Variants in RHBDD1 observed in about 807,000 individuals in gnomAD.
RHBDD1 encodes the protein rhomboid-related protein 4.
RHBDD1 carries 38 observed loss-of-function variants against 36.3 expected under a neutral mutation model. The ratio of observed to expected loss-of-function variants is 1.05; its 90% CI spans 0.81 to 1.37. The LOEUF is 1.37. Among genes scored for constraint, RHBDD1 ranks in the 40% most tolerant of loss-of-function variants. The probability of loss-of-function intolerance (pLI) is 0.00; values close to 1 mark genes in which losing one functional copy is unlikely to be tolerated. For synonymous variants in RHBDD1, 151 were observed against 136.5 expected (o/e 1.11, Z -0.74); for missense variants, 393 against 377.6 (o/e 1.04, Z -0.34).
At chr2:226,823,658 C>T in the RHBDD1 span, among the ~76,000 whole-genome samples, 1 of 152,162 alleles carries the variant, frequency 6.6e-6, no homozygotes, top group Non-Finnish European at 1.5e-5. Flanking sequence ...ATACACCTAT[C>T]TTAGTCCAAT....
intron 8 of RHBDD1, among the ~76,000 whole-genome samples, chr2:226,962,994 G>A (rs1411713388): frequency 6.6e-6 from 1 of 152,086 alleles, no homozygotes; most frequent in Non-Finnish European, 1.5e-5. Flanking sequence ...TTGATTCCTT[G>A]TCGAGGTGAG....
intron 3 of RHBDD1, among the ~76,000 whole-genome samples, chr2:226,855,182 A>G (rs1943201662): frequency 6.6e-6 from 1 of 152,226 alleles, no homozygotes; most frequent in South Asian, 2.1e-4. Flanking sequence ...TATGAAGGAA[A>G]AAAGGAAGGA....
chr2:226,979,650 G>A (rs934964902), intron 8 of RHBDD1, among the ~76,000 whole-genome samples: 7 of 152,208 alleles, frequency 4.6e-5, no homozygotes, highest in Non-Finnish European at 7.3e-5. Context: ...TCTACCGTCT[G>A]CCCTGTTCTA....
chr2:226,975,441 G>C (rs1029269743), intron 8 of RHBDD1, among the ~76,000 whole-genome samples: 2 of 152,154 alleles, frequency 1.3e-5, no homozygotes, highest in Non-Finnish European at 2.9e-5. Flanking sequence ...ATGGCCATGG[G>C]GTGAGGGAGG....
At chr2:226,901,707 A>G (rs543459304) in intron 5 of RHBDD1, among the ~76,000 whole-genome samples, 1 of 152,212 alleles carries the variant, frequency 6.6e-6, no homozygotes, top group Non-Finnish European at 1.5e-5. Flanking sequence ...GGCATCCAGC[A>G]GAACGGAGAC....
chr2:226,943,436 A>G (rs367622572), intron 8 of RHBDD1, among the ~76,000 whole-genome samples: 1 of 152,212 alleles, frequency 6.6e-6, no homozygotes, highest in Admixed American at 6.5e-5. Context: ...ATCAAACCAG[A>G]ACAATCCAAA....
chr2:226,908,731 G>T, intron 6 of RHBDD1, 91 bp from the exon 7 acceptor site: 1 of 858,928 alleles, frequency 1.2e-6, no homozygotes, highest in Non-Finnish European at 2.0e-6. Flanking sequence ...AATGACCTTG[G>T]GCTTTGTCCA....
chr2:226,833,628 T>A (rs117369616), upstream of RHBDD1, among the ~76,000 whole-genome samples: 4 of 152,238 alleles, frequency 2.6e-5, no homozygotes, highest in Non-Finnish European at 5.9e-5. Flanking sequence ...ACAATGTGCA[T>A]AGTGCTGCCT....
chr2:226,943,075 A>T (rs1023707033), intron 8 of RHBDD1, among the ~76,000 whole-genome samples: 28 of 152,160 alleles, frequency 1.8e-4, no homozygotes, highest in African/African-American at 6.5e-4. Context: ...TCCATTTATT[A>T]TACAGTCACA....
In RHBDD1 at chr2:226,876,352, GC is replaced by G. The variant is rs544251955; in HGVS notation, c.566+9036del. ...GTGACTGAGAGAATCGAAAAGAGCA[GC>G]CTCACGGGAGAGCAGTTTCCAAGGC... On this transcript the variant is annotated intron_variant, in intron 5 of 8. Coordinates refer to ENST00000392062, the MANE Select transcript of RHBDD1 (RefSeq NM_001167608.3). Among the ~76,000 whole-genome samples the G allele has an allele frequency of 9.3e-4, 142 of 152,336 alleles. 1 individual carries two copies. Among genetic ancestry groups the G allele is most frequent in the African/African-American group, 3.3e-3 (137 of 41,586 alleles).
At chr2:226,805,195 CTGTTT>C in the RHBDD1 span, 1 of 149,936 alleles carries the variant, frequency 6.7e-6, no homozygotes, top group Non-Finnish European at 1.5e-5. Flanking sequence ...GAACCCCCAG[CTGTTT>C]TGTTTGTTTG....
In RHBDD1 at chr2:226,992,187, C is replaced by CTG. The variant is rs956782144; in HGVS notation, c.857-3244_857-3243insTG. 3.7e-4 allele frequency among the ~76,000 whole-genome samples: 56 copies of CTG among 152,206 alleles called. 1 individual carries two copies. The highest frequency in any genetic ancestry group is 7.3e-5 in the Non-Finnish European group (5 of 68,042). ...AATGCAAAGGTGGGGAAGTAGAAGA[C>CTG]AGAGTGTACCTGAGACTGAGTGGAC... is the stretch of plus-strand genomic sequence containing the variant. On this transcript the variant is annotated intron_variant, in intron 8 of 8. Coordinates refer to ENST00000392062, the MANE Select transcript of RHBDD1 (RefSeq NM_001167608.3).
chr2:226,909,593 G>A (rs1482860753), intron 7 of RHBDD1, among the ~76,000 whole-genome samples: 5 of 152,040 alleles, frequency 3.3e-5, no homozygotes, highest in African/African-American at 1.2e-4. Context: ...TAGGAGTTTG[G>A]GGAAAAAATT....
intron 8 of RHBDD1, among the ~76,000 whole-genome samples, chr2:226,917,538 GA>G (rs539840345): frequency 6.6e-6 from 1 of 151,968 alleles, no homozygotes; most frequent in Admixed American, 6.6e-5. Flanking sequence ...TGCTTGGTTT[GA>G]AAAAATCTAG....
the RHBDD1 span, among the ~76,000 whole-genome samples, chr2:226,806,643 A>G: frequency 6.6e-6 from 1 of 152,154 alleles, no homozygotes; most frequent in Non-Finnish European, 1.5e-5. Context: ...GCACACACAC[A>G]CTCAGACTCA....
chr2:226,852,514 T>A (rs1174755606), intron 3 of RHBDD1, among the ~76,000 whole-genome samples: 2 of 152,030 alleles, frequency 1.3e-5, no homozygotes, highest in Non-Finnish European at 2.9e-5. Flanking sequence ...CTTTCTACCA[T>A]GTGAGTATAT....
At chr2:226,817,048 G>A in the RHBDD1 span, among the ~76,000 whole-genome samples, 3 of 152,134 alleles carry the variant, frequency 2.0e-5, no homozygotes, top group Non-Finnish European at 4.4e-5. Flanking sequence ...CAGTCTATTG[G>A]CATTTTCTAC....
chr2:226,803,888 T>C, the RHBDD1 span: 1 of 152,218 alleles, frequency 6.6e-6, no homozygotes, highest in South Asian at 2.1e-4. Flanking sequence ...CTTGTTATAA[T>C]GCAGGTTCTG....
intron 8 of RHBDD1, among the ~76,000 whole-genome samples, chr2:226,954,096 C>T (rs930672899): frequency 6.6e-6 from 1 of 152,106 alleles, no homozygotes; most frequent in Non-Finnish European, 1.5e-5. Flanking sequence ...GCCATGTTTC[C>T]GGTGCTGTGC....
Sources: gnomAD v4.1 joint callset for allele counts (sites outside exome capture counted in the v4.1 genomes callset) on GRCh38, gnomAD v4.1.1 for gene constraint, MANE v1.5 for transcripts, NCBI Gene and HGNC (gene_info 2026-07-23, HGNC 2026-07-21) for gene names.